Variants in SMAD2 observed in about 807,000 individuals in gnomAD.
SMAD2 encodes the protein MAD homolog 2.
A neutral mutation model predicts 64.4 loss-of-function variants in SMAD2; 8 were observed. The ratio of observed to expected loss-of-function variants is 0.12; its 90% CI spans 0.07 to 0.22. SMAD2 has a LOEUF of 0.22. Among genes scored for constraint, SMAD2 ranks in the 10% least tolerant of loss-of-function variants. The probability of loss-of-function intolerance (pLI) is 1.00; values close to 1 mark genes in which losing one functional copy is unlikely to be tolerated. For synonymous variants in SMAD2, 203 were observed against 195.8 expected (o/e 1.04, Z -0.31); for missense variants, 289 against 561.2 (o/e 0.51, Z 4.90).
chr18:47,919,216 C>G (rs2034457236), intron 1 of SMAD2, among the ~76,000 whole-genome samples: 2 of 151,976 alleles, frequency 1.3e-5, no homozygotes, highest in African/African-American at 4.8e-5. Context: ...AAAAAAATTT[C>G]CAACCTAGAC....
In SMAD2 at chr18:47,812,700, A is replaced by G. The variant is rs1407862231; in HGVS notation, c.*29127T>C. 1 of 152,224 alleles carries G rather than the reference A, an allele frequency of 6.6e-6. No individual in the cohort carries two copies. The highest frequency in any genetic ancestry group is 1.5e-5 in the Non-Finnish European group (1 of 68,052). 9.4% of individuals were successfully genotyped at this position (152,224 alleles called of 1,614,324 possible). A position where few individuals can be genotyped will look rare whatever the true frequency, so the allele number is the denominator to read the frequency against. On this transcript the variant is annotated 3_prime_UTR_variant, in exon 11 of 11. Coordinates refer to ENST00000262160, the MANE Select transcript of SMAD2 (RefSeq NM_005901.6). ...GGAGACCCAAACCATATCAGAGCTC[A>G]TAACTTAAGTGGTGGTAATCAAATC...
Position 47,833,737 on chromosome 18 carries a change from T to A in SMAD2, c.*8090A>T, listed in dbSNP as rs2144257559. 4.3e-6 allele frequency: 1 copy of A among 231,020 alleles called. No homozygotes were observed. Among genetic ancestry groups the A allele is most frequent in the East Asian group, 6.1e-5 (1 of 16,406 alleles). The allele number at this position is 231,020 out of a possible 1,614,324, so 14.3% of individuals were successfully genotyped here. On this transcript the variant is annotated 3_prime_UTR_variant, in exon 11 of 11. Transcript: ENST00000262160. ...GCATTTAATCATTTTAACACAACAT[T>A]CACGGAAAAATGTTAACAACACATT...
intron 1 of SMAD2, among the ~76,000 whole-genome samples, chr18:47,922,930 AAAAC>A (rs140477210): frequency 1.4e-3 from 209 of 152,380 alleles, no homozygotes; most frequent in Non-Finnish European, 2.7e-3. Flanking sequence ...AAGCAAACAG[AAAAC>A]ATTCATGTGT....
intron 1 of SMAD2, among the ~76,000 whole-genome samples, chr18:47,903,306 G>T (rs2033763423): frequency 6.6e-6 from 1 of 151,440 alleles, no homozygotes; most frequent in African/African-American, 2.4e-5. Context: ...CCTCTGGAAG[G>T]TATTAATAGC....
At position 47,833,514 on chromosome 18, in the gene SMAD2, G is replaced by A. The variant is rs1377089634; in HGVS notation, c.*8313C>T. ...GTGCACCAAGGATGCAGCCACTAAGGACTTCCAGAGGGAAACAAGAACAGG... is the reference window on the plus strand; with the variant it reads ...GTGCACCAAGGATGCAGCCACTAAGAACTTCCAGAGGGAAACAAGAACAGG... On this transcript the variant is annotated 3_prime_UTR_variant, in exon 11 of 11. Coordinates refer to ENST00000262160, the MANE Select transcript of SMAD2 (RefSeq NM_005901.6). The A allele has an allele frequency of 4.3e-6, 1 of 229,974 alleles. No homozygotes were observed. The highest frequency in any genetic ancestry group is 2.2e-5 in the African/African-American group (1 of 45,114). The allele number at this position is 229,974 out of a possible 1,614,324, so 14.2% of individuals were successfully genotyped here.
intron 1 of SMAD2, among the ~76,000 whole-genome samples, chr18:47,906,628 T>G (rs1396470565): frequency 6.6e-6 from 1 of 152,158 alleles, no homozygotes; most frequent in Non-Finnish European, 1.5e-5. Flanking sequence ...ATAATCGCAA[T>G]CACAGCACAA....
chr18:47,855,199 T>C (rs528778794), intron 6 of SMAD2, among the ~76,000 whole-genome samples: 7 of 152,356 alleles, frequency 4.6e-5, no homozygotes, highest in Admixed American at 2.0e-4. Flanking sequence ...GAAATGACAT[T>C]ATTACTTGAG....
Position 47,810,469 on chromosome 18 carries a change from G to T in SMAD2, c.*31358C>A, listed in dbSNP as rs1459253635. On this transcript the variant is annotated 3_prime_UTR_variant, in exon 11 of 11. Coordinates refer to ENST00000262160, the MANE Select transcript of SMAD2 (RefSeq NM_005901.6). ...CCTGCAGCAGTTTATGCTACAGACT[G>T]GGCTTTCAATCACCTGATTCCACAC... 1 of 152,104 alleles carries T rather than the reference G, an allele frequency of 6.6e-6. No individual in the cohort carries two copies. The highest frequency in any genetic ancestry group is 2.4e-5 in the African/African-American group (1 of 41,398). 9.4% of individuals were successfully genotyped at this position (152,104 alleles called of 1,614,324 possible). A position where few individuals can be genotyped will look rare whatever the true frequency, so the allele number is the denominator to read the frequency against.
Position 47,816,038 on chromosome 18 carries a change from G to C in SMAD2, c.*25789C>G, listed in dbSNP as rs1182230663. The C allele has an allele frequency of 6.6e-6, 1 of 152,220 alleles. No individual in the cohort carries two copies. Among genetic ancestry groups the C allele is most frequent in the Admixed American group, 6.5e-5 (1 of 15,278 alleles). 9.4% of individuals were successfully genotyped at this position (152,220 alleles called of 1,614,324 possible). A position where few individuals can be genotyped will look rare whatever the true frequency, so the allele number is the denominator to read the frequency against. On this transcript the variant is annotated 3_prime_UTR_variant, in exon 11 of 11. Coordinates refer to ENST00000262160, the MANE Select transcript of SMAD2 (RefSeq NM_005901.6). ...AACTGGCAGTGAGGGAGGAGGTTGA[G>C]AATGAAAGTTCTGGAGAGTCACCTA... is the stretch of plus-strand genomic sequence containing the variant.
intron 1 of SMAD2, among the ~76,000 whole-genome samples, chr18:47,901,192 T>C (rs1430833520): frequency 6.6e-6 from 1 of 152,036 alleles, no homozygotes; most frequent in East Asian, 1.9e-4. Context: ...GTTTGGGCTA[T>C]TTTACTGGGT....
chr18:47,857,363 C>T (rs554430473), intron 6 of SMAD2, among the ~76,000 whole-genome samples: 3 of 151,956 alleles, frequency 2.0e-5, no homozygotes, highest in Non-Finnish European at 2.9e-5. Flanking sequence ...ATCCCCAGTG[C>T]GATAGCATCT....
At chr18:47,845,918 C>T (rs80038261) in intron 8 of SMAD2, 118 bp from the exon 9 acceptor site, 8 of 855,658 alleles carry the variant, frequency 9.3e-6, no homozygotes, top group African/African-American at 1.7e-5. Flanking sequence ...ATCTTTTTCA[C>T]AGATAATGTC....
rs947713861 is a variant in SMAD2 at position 47,838,179 on chromosome 18, G to A, written c.*3648C>T. The A allele has an allele frequency of 1.3e-5, 3 of 232,642 alleles. No homozygotes were observed. The highest frequency in any genetic ancestry group is 2.6e-5 in the Non-Finnish European group (3 of 117,554). The allele number at this position is 232,642 out of a possible 1,614,324, so 14.4% of individuals were successfully genotyped here. A position where few individuals can be genotyped will look rare whatever the true frequency, so the allele number is the denominator to read the frequency against. On this transcript the variant is annotated 3_prime_UTR_variant, in exon 11 of 11. Coordinates refer to ENST00000262160, the MANE Select transcript of SMAD2 (RefSeq NM_005901.6). ...TTAAATTGACAAGGGCACAAAAAAA[G>A]TGAAATTAAAATAATTTTAACAAAA...
In SMAD2 at chr18:47,837,807, C is replaced by T. The variant is rs958315564; in HGVS notation, c.*4020G>A. On this transcript the variant is annotated 3_prime_UTR_variant, in exon 11 of 11. Coordinates refer to ENST00000262160, the MANE Select transcript of SMAD2 (RefSeq NM_005901.6). ...CACAGACTAGATATCTAAAGAGATACTTGGTGGGCAGGGGCTTGGGAGGGA... is the reference window on the plus strand; with the variant it reads ...CACAGACTAGATATCTAAAGAGATATTTGGTGGGCAGGGGCTTGGGAGGGA... The T allele has an allele frequency of 4.3e-6, 1 of 232,874 alleles. No individual in the cohort carries two copies. Among genetic ancestry groups the T allele is most frequent in the Admixed American group, 5.6e-5 (1 of 17,776 alleles). The allele number at this position is 232,874 out of a possible 1,614,324, so 14.4% of individuals were successfully genotyped here.
Position 47,839,102 on chromosome 18 carries a change from A to T in SMAD2, c.*2725T>A, listed in dbSNP as rs1913701097. ...AAAAAGCATCAAACACATTCACACA[A>T]ATGTAATTACAACCAGGAAGTAAAC... On this transcript the variant is annotated 3_prime_UTR_variant, in exon 11 of 11. Coordinates refer to ENST00000262160, the MANE Select transcript of SMAD2 (RefSeq NM_005901.6). 4.3e-6 allele frequency: 1 copy of T among 233,382 alleles called. No individual in the cohort carries two copies. Among genetic ancestry groups the T allele is most frequent in the East Asian group, 6.0e-5 (1 of 16,692 alleles). The allele number at this position is 233,382 out of a possible 1,614,324, so 14.5% of individuals were successfully genotyped here.
rs964959158 is a variant in SMAD2, at chr18:47,823,049, G to A, written c.*18778C>T. 2.6e-5 allele frequency: 4 copies of A among 152,096 alleles called. No homozygotes were observed. Among genetic ancestry groups the A allele is most frequent in the Middle Eastern group, 3.2e-3 (1 of 316 alleles). 9.4% of individuals were successfully genotyped at this position (152,096 alleles called of 1,614,324 possible). ...CTAAGTTCAATAAAAATCGGCTCTC[G>A]TTATAACAGGATACAATTGGAAACA... On this transcript the variant is annotated 3_prime_UTR_variant, in exon 11 of 11. Transcript: ENST00000262160.
intron 2 of SMAD2, among the ~76,000 whole-genome samples, chr18:47,885,032 T>C (rs1247784201): frequency 6.6e-6 from 1 of 151,994 alleles, no homozygotes; most frequent in Non-Finnish European, 1.5e-5. Context: ...CCCTTCCAAA[T>C]ACAAACTTTT....
At chr18:47,909,051 A>C (rs545500879) in intron 1 of SMAD2, among the ~76,000 whole-genome samples, 1 of 149,322 alleles carries the variant, frequency 6.7e-6, no homozygotes, top group East Asian at 2.0e-4. Context: ...AAATGAATCC[A>C]GTGTAAGAAC....
intron 1 of SMAD2, among the ~76,000 whole-genome samples, chr18:47,904,790 C>T (rs758405921): frequency 2.6e-5 from 4 of 151,998 alleles, no homozygotes; most frequent in Non-Finnish European, 5.9e-5. Flanking sequence ...CTCAAATGAG[C>T]GAGAAAAAAG....
Sources: gnomAD v4.1 joint callset for allele counts (sites outside exome capture counted in the v4.1 genomes callset) on GRCh38, gnomAD v4.1.1 for gene constraint, MANE v1.5 for transcripts, NCBI Gene and HGNC (gene_info 2026-07-23, HGNC 2026-07-21) for gene names.